Variants in LIPG observed in about 807,000 individuals in gnomAD.
LIPG encodes the protein lipase G, endothelial type.
In LIPG, 34 loss-of-function variants were observed where a neutral mutation model predicts 51.8. That is an observed-to-expected ratio of 0.66 (90% CI 0.50 to 0.87). The LOEUF is 0.87. Among genes scored for constraint, LIPG ranks in the 40% least tolerant of loss-of-function variants. The probability of loss-of-function intolerance (pLI) is 0.00; values close to 1 mark genes in which losing one functional copy is unlikely to be tolerated. For synonymous variants in LIPG, 246 were observed against 246.1 expected, an observed-to-expected ratio of 1.00 and a Z score of 0.00; for missense variants, 580 against 652.7, an observed-to-expected ratio of 0.89 and a Z score of 1.21.
chr18:49,564,091 C>T (rs2148846801), intron 1 of LIPG, among the ~76,000 whole-genome samples: 2 of 152,296 alleles, frequency 1.3e-5, no homozygotes, highest in African/African-American at 4.8e-5. Flanking sequence ...TTTTCTGGAA[C>T]CTTATCCCTC....
intron 9 of LIPG, among the ~76,000 whole-genome samples, chr18:49,587,525 C>G (rs951808812): frequency 7.7e-5 from 10 of 130,036 alleles, no homozygotes; most frequent in Non-Finnish European, 1.1e-4. Flanking sequence ...GCTGAGATTG[C>G]ACCACTGCAC....
intron 2 of LIPG, 88 bp from the exon 3 acceptor site, chr18:49,567,354 T>C: frequency 1.5e-6 from 2 of 1,366,822 alleles, no homozygotes; most frequent in South Asian, 1.3e-5. Context: ...AAAAATTAAT[T>C]GGGAAGAGGG....
In LIPG at chr18:49,579,792, T is replaced by TC. The variant is rs1568533574; in HGVS notation, c.794-1622dup. Among the ~76,000 whole-genome samples, 223 of 139,726 alleles carry TC rather than the reference T, an allele frequency of 1.6e-3. 6 individuals carry two copies. The highest frequency in any genetic ancestry group is 6.2e-3 in the African/African-American group (200 of 32,364). The allele number at this position is 139,726 out of a possible 152,430, so 91.7% of individuals were successfully genotyped here. A position where few individuals can be genotyped will look rare whatever the true frequency, so the allele number is the denominator to read the frequency against. On this transcript the variant is annotated intron_variant, in intron 5 of 9. Transcript: ENST00000261292. ...TCTTTTCTTTTCTTTTCTTTTCTTT[T>TC]CTTTTCTTTTCTTTTCTTTTCTTTT...
At chr18:49,583,956 C>A (rs540064772) in intron 8 of LIPG, among the ~76,000 whole-genome samples, 182 bp downstream of exon 8, 1 of 152,292 alleles carries the variant, frequency 6.6e-6, no homozygotes, top group African/African-American at 2.4e-5. Flanking sequence ...AAAACTGTTA[C>A]GCATCTCATG....
At chr18:49,586,968 C>A (rs965753886) in intron 9 of LIPG, 118 bp downstream of exon 9, 1 of 792,832 alleles carries the variant, frequency 1.3e-6, no homozygotes, top group Non-Finnish European at 2.2e-6. Flanking sequence ...AGATAAAAAT[C>A]TCTTCCTTTA....
intron 7 of LIPG, 95 bp downstream of exon 7, chr18:49,582,577 G>A (rs911108834): frequency 2.9e-5 from 43 of 1,491,866 alleles, no homozygotes; most frequent in Admixed American, 3.4e-5. Flanking sequence ...AGTACAGCAC[G>A]CAGGAGAGTG....
In LIPG at chr18:49,590,773, G is replaced by A; in HGVS notation, c.*251G>A. 1.7e-6 allele frequency: 1 copy of A among 580,344 alleles called. No homozygotes were observed. The highest frequency in any genetic ancestry group is 2.9e-5 in the East Asian group (1 of 33,976). 35.9% of individuals were successfully genotyped at this position (580,344 alleles called of 1,614,324 possible). ...TCTGTCCACACCTCCAGAGCACCAA[G>A]TCCAGATTTGTGTGTAAGCAGCTGG... On this transcript the variant is annotated 3_prime_UTR_variant, in exon 10 of 10. Transcript: ENST00000261292.
At chr18:49,584,334 C>G (rs1012009612) in intron 8 of LIPG, among the ~76,000 whole-genome samples, 1 of 152,230 alleles carries the variant, frequency 6.6e-6, no homozygotes, top group Non-Finnish European at 1.5e-5. Flanking sequence ...CTGTGCCACA[C>G]TAGCTGGCAG....
chr18:49,590,448 G>C (rs757274551), intron 9 of LIPG, 53 bp from the exon 10 acceptor site: 3 of 1,571,180 alleles, frequency 1.9e-6, no homozygotes, highest in Non-Finnish European at 1.7e-6. Flanking sequence ...ACAGGTTTGC[G>C]CGTTTGCTGG....
intron 1 of LIPG, among the ~76,000 whole-genome samples, chr18:49,563,688 G>A (rs1049042730): frequency 6.6e-6 from 1 of 151,932 alleles, no homozygotes; most frequent in African/African-American, 2.4e-5. Context: ...TTCTGGAGAA[G>A]TTGACCATTG....
At chr18:49,577,313 TCA>T (rs1330267213) in intron 5 of LIPG, among the ~76,000 whole-genome samples, 4 of 141,102 alleles carry the variant, frequency 2.8e-5, no homozygotes, top group Non-Finnish European at 3.0e-5. Flanking sequence ...AGCACATGTT[TCA>T]GAGAGCACAG....
chr18:49,574,558 ACT>A lies in LIPG; in HGVS notation c.572-805_572-804del, dbSNP rs572260124. 5.3e-3 allele frequency among the ~76,000 whole-genome samples: 797 copies of A among 150,996 alleles called. 3 individuals are homozygous for A. The highest frequency in any genetic ancestry group is 7.0e-3 in the Non-Finnish European group (475 of 67,710). On this transcript the variant is annotated intron_variant, in intron 4 of 9. Transcript: ENST00000261292. Reference sequence around the variant, plus strand: ...TGCTACCTGTCCGTTTCCCTTACCCACTCTCTCCCCCAACGCACACGCATACA... The same window carrying A: ...TGCTACCTGTCCGTTTCCCTTACCCACTCTCCCCCAACGCACACGCATACA...
chr18:49,571,317 G>A (rs1038051942), intron 4 of LIPG, among the ~76,000 whole-genome samples: 3 of 152,212 alleles, frequency 2.0e-5, no homozygotes, highest in African/African-American at 7.2e-5. Context: ...TGTCAGTAAC[G>A]ATGACAAACT....
chr18:49,565,302 G>C lies in LIPG; in HGVS notation c.98-15G>C. On this transcript the variant is annotated splice_polypyrimidine_tract_variant and intron_variant, in intron 1 of 9. Transcript: ENST00000261292. ...AGTCTGCTAGATGCACCCACGCTCT[G>C]TTCTGTCTCCCCAGATAAGCTCCAC... 2 of 1,613,548 alleles carry C rather than the reference G, an allele frequency of 1.2e-6. No homozygotes were observed.
At chr18:49,588,934 A>G (rs2084913053) in intron 9 of LIPG, among the ~76,000 whole-genome samples, 1 of 152,068 alleles carries the variant, frequency 6.6e-6, no homozygotes, top group East Asian at 1.9e-4. Context: ...GACTTACATA[A>G]TGATGTTTGT....
chr18:49,569,584 G>A, intron 4 of LIPG, 36 bp downstream of exon 4: 1 of 1,511,500 alleles, frequency 6.6e-7, no homozygotes, highest in Non-Finnish European at 9.2e-7. Flanking sequence ...GGCTCCCTCA[G>A]CTGCGCTAAG....
chr18:49,581,293 A>G (rs1781027687), intron 5 of LIPG, 122 bp from the exon 6 acceptor site: 2 of 1,408,898 alleles, frequency 1.4e-6, no homozygotes, highest in Admixed American at 1.7e-5. Context: ...AAAGAATTAC[A>G]TGAAAATACT....
intron 7 of LIPG, 52 bp downstream of exon 7, chr18:49,582,534 G>C (rs751480013): frequency 9.3e-6 from 15 of 1,610,706 alleles, no homozygotes; most frequent in South Asian, 2.2e-5. Flanking sequence ...AGGTTGGTTT[G>C]AGAATGAGAG....
chr18:49,562,492 C>A, intron 1 of LIPG, 87 bp downstream of exon 1: 3 of 1,199,078 alleles, frequency 2.5e-6, no homozygotes, highest in Non-Finnish European at 3.7e-6. Flanking sequence ...CCTCCTTGTT[C>A]CTATGAAATT....
Sources: gnomAD v4.1 joint callset for allele counts (sites outside exome capture counted in the v4.1 genomes callset) on GRCh38, gnomAD v4.1.1 for gene constraint, MANE v1.5 for transcripts, NCBI Gene and HGNC (gene_info 2026-07-23, HGNC 2026-07-21) for gene names.